The following EML5 variants were observed in gnomAD, a reference collection of about 807,000 sequenced individuals.
The protein encoded by EML5 is EMAP like 5, also known as echinoderm microtubule-associated protein-like 5.
EML5 carries 120 observed loss-of-function variants against 250.0 expected under a neutral mutation model. The observed-to-expected ratio is 0.48, with a 90% confidence interval of 0.41 to 0.56. EML5 has a LOEUF of 0.56. Ranked by LOEUF, EML5 falls within the 20% of genes least tolerant of loss-of-function variation. The pLI, the probability that EML5 is intolerant of heterozygous loss-of-function variation, is 0.00. For synonymous variants in EML5, 771 were observed against 806.5 expected (o/e 0.96, Z 0.75); for missense variants, 2,006 against 2,437.6 (o/e 0.82, Z 3.73).
chr14:88,688,202 T>C (rs1342875080), intron 18 of EML5, 69 bp downstream of exon 18: 5 of 1,514,858 alleles, frequency 3.3e-6, no homozygotes, highest in Non-Finnish European at 4.5e-6. Flanking sequence ...CAGTGTTCCT[T>C]TACTTCTTAA....
At chr14:88,661,953 A>G in intron 24 of EML5, 123 bp from the exon 25 acceptor site, 6 of 897,704 alleles carry the variant, frequency 6.7e-6, no homozygotes, top group Non-Finnish European at 9.8e-6. Context: ...TTTAATGAAA[A>G]AATAGTTAAA....
In EML5 at chr14:88,750,041, C is replaced by T. The variant is rs182144328; in HGVS notation, c.358-3758G>A. Among the ~76,000 whole-genome samples, 470 of 152,322 alleles carry T rather than the reference C, an allele frequency of 3.1e-3. 3 individuals are homozygous for T. Among genetic ancestry groups the T allele is most frequent in the Non-Finnish European group, 5.4e-3 (366 of 68,016 alleles). ...TCATTCCTTCGTGCATTGTCTATGA[C>T]TGCTTTCACACTGCACTGCAATGCA... On this transcript the variant is annotated intron_variant, in intron 2 of 43. Transcript: ENST00000554922.
intron 7 of EML5, among the ~76,000 whole-genome samples, chr14:88,727,611 T>C (rs2093687297): frequency 6.6e-6 from 1 of 152,150 alleles, no homozygotes; most frequent in African/African-American, 2.4e-5. Context: ...TTGGTCAGGC[T>C]GGTCTCAAAC....
chr14:88,672,679 G>A (rs775589096), intron 21 of EML5, among the ~76,000 whole-genome samples: 4 of 151,766 alleles, frequency 2.6e-5, no homozygotes, highest in Non-Finnish European at 5.9e-5. Context: ...GAATCAAATC[G>A]ACACAATAAA....
chr14:88,616,089 G>A (rs2087564499), intron 43 of EML5, 53 bp downstream of exon 43: 1 of 1,570,110 alleles, frequency 6.4e-7, no homozygotes, highest in African/African-American at 1.3e-5. Flanking sequence ...GTTGTATTAA[G>A]TCTCTTAACT....
intron 1 of EML5, among the ~76,000 whole-genome samples, chr14:88,775,576 G>A (rs1035339527): frequency 4.6e-5 from 7 of 152,224 alleles, no homozygotes; most frequent in Non-Finnish European, 1.0e-4. Flanking sequence ...TGTGGTTTGA[G>A]TGCCAGCACA....
intron 25 of EML5, among the ~76,000 whole-genome samples, chr14:88,661,336 C>T (rs1450004349): frequency 1.3e-5 from 2 of 152,224 alleles, no homozygotes; most frequent in East Asian, 1.9e-4. Flanking sequence ...AGTGATCCTC[C>T]CACCTCAGGC....
chr14:88,672,261 C>A (rs1044630055), intron 21 of EML5, among the ~76,000 whole-genome samples: 1 of 152,110 alleles, frequency 6.6e-6, no homozygotes, highest in Non-Finnish European at 1.5e-5. Context: ...AACCACATAA[C>A]TACACAGAAA....
intron 1 of EML5, among the ~76,000 whole-genome samples, chr14:88,782,795 C>T (rs1322693925): frequency 2.6e-5 from 4 of 152,162 alleles, no homozygotes; most frequent in Admixed American, 2.6e-4. Context: ...ATGAAAATGC[C>T]TGGATCGGGC....
intron 4 of EML5, among the ~76,000 whole-genome samples, chr14:88,742,825 C>T (rs112201826): frequency 2.0e-5 from 3 of 152,066 alleles, no homozygotes; most frequent in African/African-American, 7.2e-5. Flanking sequence ...AATAACAAAT[C>T]AAGAATTGCA....
In EML5 at chr14:88,615,778, C is replaced by G; in HGVS notation, c.*40G>C. ...GTTTTGGTTTTTCTTCTCTGTAATT[C>G]TGGTCTCAAAGTTAATTTCTGTAGT... On this transcript the variant is annotated 3_prime_UTR_variant, in exon 44 of 44. Transcript: ENST00000554922. The G allele has an allele frequency of 6.3e-7, 1 of 1,597,330 alleles. No homozygotes were observed. Among genetic ancestry groups the G allele is most frequent in the Non-Finnish European group, 8.5e-7 (1 of 1,171,494 alleles).
Position 88,638,884 on chromosome 14 carries a change from G to A in EML5, c.4261C>T (p.His1421Tyr), listed in dbSNP as rs1348540920. 6.3e-7 allele frequency: 1 copy of A among 1,588,242 alleles called. No individual in the cohort carries two copies. Among genetic ancestry groups the A allele is most frequent in the Non-Finnish European group, 8.6e-7 (1 of 1,167,528 alleles). Residue 1421 changes from histidine (H) to tyrosine (Y), a missense_variant, in exon 32 of 44, where the codon CAT (histidine) becomes TAT (tyrosine). Around this residue, in one of 7 missense-constraint regions of EML5, gnomAD observed 1,375 missense variants for 1,590.3 expected, o/e 0.86. Transcript: ENST00000554922. ...ATGSQSFYQE[H>Y]NDDILCLTVN... is the part of the protein sequence containing the mutation. ...GTGAGGCACAGAATATCATCATTAT[G>A]TTCCTGATAAAAACTCTGAGAACCT...
intron 19 of EML5, 70 bp downstream of exon 19, chr14:88,687,146 G>T: frequency 8.4e-7 from 1 of 1,190,932 alleles, no homozygotes; most frequent in Non-Finnish European, 1.2e-6. Flanking sequence ...TTCCACCTCA[G>T]TGATCACACA....
rs375348724 is a variant in EML5, at chr14:88,665,426, C to T, written c.3188G>A (p.Ser1063Asn). The T allele has an allele frequency of 5.0e-6, 8 of 1,613,956 alleles. No individual in the cohort carries two copies. Among genetic ancestry groups the T allele is most frequent in the Non-Finnish European group, 6.8e-6 (8 of 1,179,880 alleles). Residue 1063 changes from serine to asparagine, a missense_variant, in exon 22 of 44, where the codon AGC becomes AAC. Ser to Asn is a conservative substitution (Grantham distance 46). This residue lies in a region of EML5 where 1,375 missense variants were observed against 1,590.3 expected (regional missense o/e 0.86). Transcript: ENST00000554922. ...AGTATCCGCATTTGCCATTAAGAAG[C>T]TTCCATCGTTGAGACCTACGGCTAA... ...KALAVGLNDGSFLMANADTLE... is the reference protein window; with the variant it reads ...KALAVGLNDGNFLMANADTLE...
chr14:88,723,534 C>T (rs61986668), intron 8 of EML5, among the ~76,000 whole-genome samples: 12,183 of 152,064 alleles, frequency 0.08, 634 homozygotes, highest in Non-Finnish European at 0.12. Context: ...TACTGTATGG[C>T]ACAGTGATTA....
intron 1 of EML5, among the ~76,000 whole-genome samples, chr14:88,757,794 C>T (rs2140416788): frequency 6.6e-6 from 1 of 150,618 alleles, no homozygotes; most frequent in Non-Finnish European, 1.5e-5. Context: ...CTCTTTCTTT[C>T]CCTCTTTCCT....
chr14:88,725,101 T>C (rs957424300), intron 8 of EML5, among the ~76,000 whole-genome samples: 3 of 152,200 alleles, frequency 2.0e-5, no homozygotes, highest in Non-Finnish European at 4.4e-5. Flanking sequence ...AGTCAAATTA[T>C]GTCTTTCATA....
rs190971436 is a variant in EML5, at chr14:88,710,057, C to T, written c.1657+2214G>A. Among the ~76,000 whole-genome samples, 91 of 152,248 alleles carry T rather than the reference C, an allele frequency of 6.0e-4. 1 individual carries two copies. In the East Asian group the frequency reaches 0.015, roughly 26 times the overall value. On this transcript the variant is annotated intron_variant, in intron 10 of 43. Transcript: ENST00000554922. ...GGTGATGGGCTAACGTAACTCTGCC[C>T]TCACCTCTCCATTCTCCCTGACCCT...
intron 7 of EML5, 58 bp downstream of exon 7, chr14:88,736,306 C>CT: frequency 6.3e-7 from 1 of 1,589,442 alleles, no homozygotes; most frequent in South Asian, 1.1e-5. Flanking sequence ...GCCATGTTTT[C>CT]TTTATGTTTA....
Sources: allele counts gnomAD v4.1 joint callset (sites outside exome capture counted in the v4.1 genomes callset), GRCh38; gene constraint gnomAD v4.1.1; regional missense constraint gnomAD v4.1.1; transcripts MANE v1.5; gene names NCBI Gene and HGNC (gene_info 2026-07-23, HGNC 2026-07-21).